Variants in RRAS2 observed in about 807,000 individuals in gnomAD.
The protein encoded by RRAS2 is ras-related protein R-Ras2.
In RRAS2, 7 loss-of-function variants were observed where a neutral mutation model predicts 27.6. The observed-to-expected ratio is 0.25, with a 90% confidence interval of 0.14 to 0.48. The LOEUF (loss-of-function observed/expected upper bound fraction) is 0.48. Among genes scored for constraint, RRAS2 ranks in the 20% least tolerant of loss-of-function variants. The probability of loss-of-function intolerance (pLI) is 0.99; values close to 1 mark genes in which losing one functional copy is unlikely to be tolerated. For missense variants in RRAS2, 178 were observed against 256.2 expected (o/e 0.69, Z 2.08); for synonymous variants, 86 against 90.9 (o/e 0.95, Z 0.31).
At position 14,358,661 on chromosome 11, in the gene RRAS2, G is replaced by T. The variant is rs1166493189; in HGVS notation, c.108+102C>A. On this transcript the variant is annotated intron_variant, in intron 1 of 5. Transcript: ENST00000256196. This position sits in a 1 kb window ranked among gnomAD's most constrained non-coding sequence, Gnocchi z 5.1. The stretch of plus-strand genomic sequence containing the variant: ...CCCCCTGGCCCCGGCCCGGGCCCGC[G>T]AGGCGCCTCTGGGGCGAGGTCGCGG... 1.0e-6 allele frequency: 1 copy of T among 985,902 alleles called. No homozygotes were observed. The allele number at this position is 985,902 out of a possible 1,614,324, so 61.1% of individuals were successfully genotyped here.
intron 1 of RRAS2, among the ~76,000 whole-genome samples, chr11:14,317,353 G>C (rs369075111): frequency 3.9e-5 from 6 of 152,242 alleles, no homozygotes; most frequent in African/African-American, 1.4e-4. Context: ...GCTGAGGCAG[G>C]TGGATCACCT....
rs547582354 is a variant in RRAS2 at position 14,299,306 on chromosome 11, C to T, written c.109-3451G>A. 4.6e-5 allele frequency among the ~76,000 whole-genome samples: 7 copies of T among 152,226 alleles called. No homozygotes were observed. The South Asian group carries it at 8.3e-4, about 18-fold the overall frequency. ...CGACCTCTGGGATTTGGTATCCAAA[C>T]GTTGTGAATCAAGACAAAAGCTGGG... On this transcript the variant is annotated intron_variant, in intron 1 of 5. Transcript: ENST00000256196.
chr11:14,280,726 C>CAAAAAAAAAAAAAAAAAAAAAAAAAA (rs58781581), intron 5 of RRAS2, among the ~76,000 whole-genome samples: 1 of 48,330 alleles, frequency 2.1e-5, no homozygotes, highest in African/African-American at 1.0e-4. Flanking sequence ...ACTCTGTTTC[C>CAAAAAAAAAAAAAAAAAAAAAAAAAA]AAAAAAAAAA....
chr11:14,347,491 T>C (rs1464151443), intron 1 of RRAS2, among the ~76,000 whole-genome samples: 1 of 152,202 alleles, frequency 6.6e-6, no homozygotes, highest in Non-Finnish European at 1.5e-5. Context: ...TAAGACACTA[T>C]TTTCTGATTC....
At chr11:14,352,748 T>C (rs1277691214) in intron 1 of RRAS2, among the ~76,000 whole-genome samples, 1 of 74,064 alleles carries the variant, frequency 1.4e-5, no homozygotes, top group African/African-American at 4.2e-5. Context: ...TTTTAAAATA[T>C]ATATATATAG....
At chr11:14,346,733 C>T (rs1463308075) in intron 1 of RRAS2, among the ~76,000 whole-genome samples, 4 of 152,154 alleles carry the variant, frequency 2.6e-5, no homozygotes, top group African/African-American at 7.2e-5. Context: ...GTTACATGTT[C>T]TCACCACAAA....
intron 4 of RRAS2, among the ~76,000 whole-genome samples, chr11:14,291,387 A>G (rs928096504): frequency 2.0e-5 from 3 of 152,174 alleles, no homozygotes; most frequent in African/African-American, 7.2e-5. Context: ...GAAAAAGCAT[A>G]AGGAGGAATA....
At chr11:14,362,797 T>G (rs570916954), upstream of RRAS2, among the ~76,000 whole-genome samples, 2 of 152,338 alleles carry the variant, frequency 1.3e-5, no homozygotes, top group South Asian at 2.1e-4. Context: ...CAGAGCACTT[T>G]GCTCCATGCC....
At chr11:14,346,170 A>G (rs1249978789) in intron 1 of RRAS2, among the ~76,000 whole-genome samples, 2 of 152,222 alleles carry the variant, frequency 1.3e-5, no homozygotes, top group Non-Finnish European at 2.9e-5. Flanking sequence ...GATGGAGAAG[A>G]CAAATTTGAT....
chr11:14,364,257 G>C, intron 1 of RRAS2: 2 of 831,620 alleles, frequency 2.4e-6, no homozygotes, highest in East Asian at 5.3e-5. Flanking sequence ...CCAGAGACAG[G>C]ATCTGAGGGT....
intron 1 of RRAS2, among the ~76,000 whole-genome samples, chr11:14,343,607 C>T (rs1554953600): frequency 6.6e-6 from 1 of 151,900 alleles, no homozygotes; most frequent in Non-Finnish European, 1.5e-5. Flanking sequence ...GCAGGCAGAT[C>T]GCTTGAGCTC....
At chr11:14,347,247 T>C (rs920975753) in intron 1 of RRAS2, among the ~76,000 whole-genome samples, 8 of 152,170 alleles carry the variant, frequency 5.3e-5, no homozygotes, top group South Asian at 2.1e-4. Flanking sequence ...GGTAGAATGA[T>C]AGAAATGGCA....
At chr11:14,356,185 C>G (rs1056711904) in intron 1 of RRAS2, among the ~76,000 whole-genome samples, 1 of 152,080 alleles carries the variant, frequency 6.6e-6, no homozygotes, top group Non-Finnish European at 1.5e-5. Flanking sequence ...TCCAGGTGGT[C>G]GGGTTCCTGT....
chr11:14,314,007 A>T (rs1848037409), intron 1 of RRAS2, among the ~76,000 whole-genome samples: 1 of 152,234 alleles, frequency 6.6e-6, no homozygotes, highest in Admixed American at 6.5e-5. Flanking sequence ...AAAACAACAC[A>T]TCTTCATTGT....
At chr11:14,355,158 T>TAA (rs1400955278) in intron 1 of RRAS2, among the ~76,000 whole-genome samples, 2 of 134,066 alleles carry the variant, frequency 1.5e-5, no homozygotes, top group Admixed American at 7.5e-5. Flanking sequence ...GTTAAATGAA[T>TAA]AAAAAAAAAA....
intron 1 of RRAS2, among the ~76,000 whole-genome samples, chr11:14,306,050 G>A (rs576593485): frequency 4.9e-4 from 73 of 150,262 alleles, no homozygotes; most frequent in Non-Finnish European, 7.7e-4. Flanking sequence ...ATCCCCCACC[G>A]CCGCCCCCAC....
chr11:14,282,445 C>T (rs926502115), intron 4 of RRAS2, among the ~76,000 whole-genome samples: 3 of 152,026 alleles, frequency 2.0e-5, no homozygotes, highest in African/African-American at 7.3e-5. Flanking sequence ...TATAAAATGG[C>T]AGGTCAGAAT....
chr11:14,315,526 C>T lies in RRAS2; in HGVS notation c.109-19671G>A, dbSNP rs117991974. On this transcript the variant is annotated intron_variant, in intron 1 of 5. Transcript: ENST00000256196. ...TGTAATGTGTTATCTTGATGGGATC[C>T]TGGATCAGAAAAAGGACATTAGGTA... Among the ~76,000 whole-genome samples the T allele has an allele frequency of 3.7e-3, 558 of 152,212 alleles. 2 individuals carry two copies. Among genetic ancestry groups the T allele is most frequent in the Non-Finnish European group, 6.6e-3 (448 of 68,006 alleles).
Position 14,281,616 on chromosome 11 carries a change from A to T in RRAS2, c.513T>A (p.Leu171=), listed in dbSNP as rs552497454. 1.3e-6 allele frequency: 2 copies of T among 1,599,408 alleles called. No homozygotes were observed. Among genetic ancestry groups the T allele is most frequent in the East Asian group, 2.3e-5 (1 of 44,084 alleles). Residue 171 remains leucine (L), a synonymous_variant, in exon 5 of 6, where the codon CTT becomes CTA. Transcript: ENST00000256196. The stretch of plus-strand genomic sequence containing the variant: ...GTTTTGCTTACCTGATAACCCGGAC[A>T]AGTTCATGGAAAGCTTGATCTACAT... ...RMNVDQAFHE[L]VRVIRKFQEQ... is the part of the protein sequence containing the mutation.
Sources: allele counts gnomAD v4.1 joint callset (sites outside exome capture counted in the v4.1 genomes callset), GRCh38; gene constraint gnomAD v4.1.1; non-coding constraint Gnocchi (gnomAD v3.1); transcripts MANE v1.5; gene names NCBI Gene and HGNC (gene_info 2026-07-23, HGNC 2026-07-21).